PTPRK: variants seen among roughly 807,000 people sequenced by gnomAD.
PTPRK encodes receptor-type tyrosine-protein phosphatase kappa.
A neutral mutation model predicts 178.0 loss-of-function variants in PTPRK; 75 were observed. The observed-to-expected ratio is 0.42, with a 90% confidence interval of 0.35 to 0.51. PTPRK has a LOEUF of 0.51. PTPRK is among the 20% of genes least tolerant of loss of function. The probability of loss-of-function intolerance (pLI) is 0.02; values close to 1 mark genes in which losing one functional copy is unlikely to be tolerated. For missense variants in PTPRK, 1,441 were observed against 1,797.8 expected (o/e 0.80, Z 3.59); for synonymous variants, 637 against 620.6 (o/e 1.03, Z -0.39).
intron 6 of PTPRK, among the ~76,000 whole-genome samples, chr6:128,198,194 G>A (rs996705076): frequency 6.6e-6 from 1 of 152,130 alleles, no homozygotes; most frequent in African/African-American, 2.4e-5. Flanking sequence ...TGATGCAGCA[G>A]GTGATAAATA....
In PTPRK at chr6:127,976,675, C is replaced by T. The variant is rs182985204; in HGVS notation, c.3951G>A (p.Arg1317=). Residue 1317 remains arginine, a synonymous_variant, in exon 27 of 30, where the codon AGG becomes AGA. Transcript: ENST00000368226. ...GACTTACTCTTGTTAGATTGCATAT[C>T]CTAAAAATCCGGTTGATCACATCAC... ...MDCDVINRIF[R]ICNLTRPQEG... is the part of the protein sequence containing the mutation. 2.9e-5 allele frequency: 47 copies of T among 1,613,998 alleles called. No homozygotes were observed. In the East Asian group the frequency reaches 1.0e-3, roughly 35 times the overall value.
At chr6:128,178,097 G>A (rs1030783196) in intron 7 of PTPRK, among the ~76,000 whole-genome samples, 2 of 151,822 alleles carry the variant, frequency 1.3e-5, no homozygotes, top group African/African-American at 2.4e-5. Context: ...CCATGGCTTT[G>A]TTCAACGGAA....
chr6:128,439,311 A>G (rs1047448978), intron 1 of PTPRK, among the ~76,000 whole-genome samples: 1 of 152,276 alleles, frequency 6.6e-6, no homozygotes, highest in Admixed American at 6.5e-5. Context: ...AAATAATACA[A>G]TGAGTGCAGA....
chr6:128,231,658 G>T (rs1812322415), intron 5 of PTPRK, among the ~76,000 whole-genome samples: 1 of 152,128 alleles, frequency 6.6e-6, no homozygotes, highest in Non-Finnish European at 1.5e-5. Context: ...GCTAGAAAGA[G>T]TCAAAAGGAA....
intron 7 of PTPRK, among the ~76,000 whole-genome samples, chr6:128,158,278 G>C (rs887510542): frequency 6.6e-6 from 1 of 151,878 alleles, no homozygotes; most frequent in Non-Finnish European, 1.5e-5. Flanking sequence ...GGGCAGGGGG[G>C]AGTGAAGGCA....
intron 18 of PTPRK, among the ~76,000 whole-genome samples, chr6:127,993,261 C>T (rs976259400): frequency 6.6e-6 from 1 of 151,632 alleles, no homozygotes; most frequent in Admixed American, 6.6e-5. Context: ...TTTGTGCGTG[C>T]TCACAATGTT....
In PTPRK at chr6:128,029,520, G is replaced by A. The variant is rs377152451; in HGVS notation, c.2195-20252C>T. ...ACAAAAATTAGCTGGACAGGGTGGC[G>A]GGCACCTGTAATCCGAGCTACTGGG... On this transcript the variant is annotated intron_variant, in intron 13 of 29. Transcript: ENST00000368226. Among the ~76,000 whole-genome samples, 52 of 151,716 alleles carry A rather than the reference G, an allele frequency of 3.4e-4. No homozygotes were observed. The East Asian group carries it at 8.6e-3, about 25-fold the overall frequency.
In PTPRK at chr6:128,137,415, G is replaced by A. The variant is rs78783535; in HGVS notation, c.1162+47017C>T. Among the ~76,000 whole-genome samples, 1,315 of 152,226 alleles carry A rather than the reference G, an allele frequency of 8.6e-3. 51 individuals carry two copies. The highest frequency in any genetic ancestry group is 0.043 in the East Asian group (222 of 5,174). ...ATAGTAACATACAGGAGGTGGGTACGCAAGTGTCCATTAGAAAATTATCTT... is the reference window on the plus strand; with the variant it reads ...ATAGTAACATACAGGAGGTGGGTACACAAGTGTCCATTAGAAAATTATCTT... On this transcript the variant is annotated intron_variant, in intron 7 of 29. Transcript: ENST00000368226.
chr6:128,139,774 T>C (rs761526535), intron 7 of PTPRK, among the ~76,000 whole-genome samples: 6 of 152,070 alleles, frequency 3.9e-5, no homozygotes, highest in African/African-American at 7.2e-5. Context: ...GAAGAGTCCA[T>C]GAGAATAGAC....
intron 5 of PTPRK, among the ~76,000 whole-genome samples, chr6:128,232,506 T>A (rs1812475416): frequency 6.6e-6 from 1 of 152,216 alleles, no homozygotes; most frequent in Non-Finnish European, 1.5e-5. Flanking sequence ...CTGGAGCAGC[T>A]CATTGTAGTT....
intron 2 of PTPRK, among the ~76,000 whole-genome samples, chr6:128,351,591 A>T (rs1243993627): frequency 3.3e-5 from 5 of 152,182 alleles, no homozygotes; most frequent in African/African-American, 1.2e-4. Context: ...CAGAGTTTAA[A>T]ATTCCCCTTC....
chr6:128,064,115 A>G (rs1449268991), intron 13 of PTPRK, among the ~76,000 whole-genome samples: 2 of 152,190 alleles, frequency 1.3e-5, no homozygotes, highest in African/African-American at 4.8e-5. Context: ...AAAAACACAG[A>G]GAATGTAGGA....
intron 3 of PTPRK, among the ~76,000 whole-genome samples, chr6:128,258,889 CA>C (rs1197115320): frequency 3.9e-5 from 6 of 152,092 alleles, no homozygotes; most frequent in Non-Finnish European, 8.8e-5. Context: ...AGGCAGAGAG[CA>C]GAAGACAATT....
chr6:128,041,098 TTAAAA>T (rs1162628104), intron 13 of PTPRK, among the ~76,000 whole-genome samples: 37 of 152,254 alleles, frequency 2.4e-4, no homozygotes, highest in African/African-American at 8.2e-4. Flanking sequence ...TTAAAATGAA[TTAAAA>T]TTTCTCCATG....
chr6:128,083,927 A>G (rs1785278743), intron 8 of PTPRK, 103 bp from the exon 9 acceptor site: 1 of 489,856 alleles, frequency 2.0e-6, no homozygotes, highest in Non-Finnish European at 3.4e-6. Flanking sequence ...AATATAAAGA[A>G]AAATAAATAA....
chr6:128,035,691 T>C (rs1776090763), intron 13 of PTPRK, among the ~76,000 whole-genome samples: 1 of 152,174 alleles, frequency 6.6e-6, no homozygotes, highest in Admixed American at 6.5e-5. Context: ...TAAGAAGTGA[T>C]ATTGAAGGTA....
chr6:128,168,170 G>C (rs1799685200), intron 7 of PTPRK, among the ~76,000 whole-genome samples: 1 of 152,056 alleles, frequency 6.6e-6, no homozygotes, highest in African/African-American at 2.4e-5. Context: ...AGTAAATCTT[G>C]TGACATCTCC....
chr6:128,410,922 T>C (rs1229284358), intron 1 of PTPRK, among the ~76,000 whole-genome samples: 1 of 152,152 alleles, frequency 6.6e-6, no homozygotes, highest in East Asian at 1.9e-4. Context: ...ATGGGGTCTT[T>C]GTTCTGTCGC....
At chr6:128,124,966 A>G (rs1052295940) in intron 7 of PTPRK, among the ~76,000 whole-genome samples, 13 of 152,212 alleles carry the variant, frequency 8.5e-5, no homozygotes, top group Admixed American at 1.3e-4. Flanking sequence ...TCTAACTAGA[A>G]CTACCATTGA....
Sources: allele counts gnomAD v4.1 joint callset (sites outside exome capture counted in the v4.1 genomes callset), GRCh38; gene constraint gnomAD v4.1.1; transcripts MANE v1.5; gene names NCBI Gene and HGNC (gene_info 2026-07-23, HGNC 2026-07-21).